Variants in GRB10 observed in about 807,000 individuals in gnomAD.
GRB10 encodes the protein growth factor receptor-bound protein 10.
GRB10 carries 20 observed loss-of-function variants against 80.9 expected under a neutral mutation model. The ratio of observed to expected loss-of-function variants is 0.25; its 90% CI spans 0.17 to 0.36. The LOEUF is 0.36. GRB10 is among the 10% of genes least tolerant of loss of function. The probability of loss-of-function intolerance (pLI) is 1.00; values close to 1 mark genes in which losing one functional copy is unlikely to be tolerated. For synonymous variants in GRB10, 291 were observed against 291.5 expected (o/e 1.00, Z 0.02); for missense variants, 548 against 747.7 (o/e 0.73, Z 3.12).
At chr7:50,613,570 C>T (rs2049974579) in intron 12 of GRB10, among the ~76,000 whole-genome samples, 1 of 152,208 alleles carries the variant, frequency 6.6e-6, no homozygotes, top group African/African-American at 2.4e-5. Flanking sequence ...CCCCAGCTCT[C>T]CCTCCCAAGA....
intron 2 of GRB10, among the ~76,000 whole-genome samples, chr7:50,758,515 A>G (rs768195200): frequency 8.5e-5 from 13 of 152,332 alleles, no homozygotes; most frequent in Admixed American, 3.9e-4. Context: ...GAGCTAATAT[A>G]AAGTTTTCCT....
intron 7 of GRB10, among the ~76,000 whole-genome samples, chr7:50,630,208 T>C (rs1193400166): frequency 3.9e-5 from 6 of 152,200 alleles, no homozygotes; most frequent in Non-Finnish European, 8.8e-5. Context: ...TGTATGGAAG[T>C]TCTACATTAG....
intron 4 of GRB10, among the ~76,000 whole-genome samples, chr7:50,728,934 G>A (rs2069139378): frequency 6.6e-6 from 1 of 152,218 alleles, no homozygotes; most frequent in Non-Finnish European, 1.5e-5. Context: ...GCCTCCCAAA[G>A]TGCTGGGATT....
chr7:50,749,283 C>T (rs1029324611), intron 3 of GRB10, among the ~76,000 whole-genome samples: 1 of 151,960 alleles, frequency 6.6e-6, no homozygotes, highest in Non-Finnish European at 1.5e-5. Flanking sequence ...CACTCACCAC[C>T]ATGCCCAGCT....
intron 7 of GRB10, among the ~76,000 whole-genome samples, chr7:50,660,323 C>T (rs1414832271): frequency 2.0e-5 from 3 of 151,980 alleles, no homozygotes. Context: ...CGTGGTGCTG[C>T]ATTCATGCAG....
chr7:50,728,013 A>C (rs2153689763), intron 4 of GRB10: 1 of 152,346 alleles, frequency 6.6e-6, no homozygotes, highest in South Asian at 2.1e-4. Context: ...GCTGTTCCTA[A>C]GTTCAGAATC....
chr7:50,606,711 C>T (rs949188197), intron 13 of GRB10: 6 of 423,982 alleles, frequency 1.4e-5, no homozygotes, highest in African/African-American at 6.1e-5. Flanking sequence ...ACATATATTT[C>T]GTATATGTAT....
chr7:50,673,683 G>A lies in GRB10; in HGVS notation c.362+753C>T, dbSNP rs771438335. ...GCCAACCCTGCTGCCCTCTACCACT[G>A]CCCCCACGACCCCTGGCAACCAGAA... On this transcript the variant is annotated intron_variant, in intron 6 of 18. Coordinates refer to ENST00000401949, the MANE Select transcript of GRB10 (RefSeq NM_001350814.2). Among the ~76,000 whole-genome samples, 33 of 151,978 alleles carry A rather than the reference G, an allele frequency of 2.2e-4. No homozygotes were observed. The South Asian group carries it at 3.5e-3, about 16-fold the overall frequency.
chr7:50,594,806 G>A (rs1347465245), intron 18 of GRB10, among the ~76,000 whole-genome samples: 10 of 152,224 alleles, frequency 6.6e-5, no homozygotes, highest in Non-Finnish European at 1.5e-4. Context: ...AAAAAAAGTA[G>A]TGTTGATTAA....
chr7:50,744,649 C>G (rs970796930), intron 3 of GRB10, among the ~76,000 whole-genome samples: 1 of 152,118 alleles, frequency 6.6e-6, no homozygotes, highest in Non-Finnish European at 1.5e-5. Context: ...TCAAAGTTTA[C>G]GGTATTGCAT....
chr7:50,722,559 T>C (rs937397408), intron 4 of GRB10, among the ~76,000 whole-genome samples: 1 of 152,132 alleles, frequency 6.6e-6, no homozygotes, highest in Non-Finnish European at 1.5e-5. Flanking sequence ...TTCAAAGCCC[T>C]GTGACAAGCA....
At chr7:50,736,740 C>T (rs952179301) in intron 3 of GRB10, among the ~76,000 whole-genome samples, 14 of 152,126 alleles carry the variant, frequency 9.2e-5, no homozygotes, top group Non-Finnish European at 1.5e-4. Flanking sequence ...CTGTGATTAA[C>T]GCCACTACAC....
chr7:50,669,923 C>T, intron 6 of GRB10, 60 bp from the exon 7 acceptor site: 4 of 1,550,128 alleles, frequency 2.6e-6, no homozygotes, highest in Non-Finnish European at 3.5e-6. Flanking sequence ...CCCAGCCTTA[C>T]CACTGTGGTG....
chr7:50,625,752 G>A (rs911654940), intron 8 of GRB10, among the ~76,000 whole-genome samples: 4 of 152,214 alleles, frequency 2.6e-5, no homozygotes, highest in African/African-American at 2.4e-5. Context: ...AAAGCATACC[G>A]TCTCTCCAAA....
chr7:50,593,570 G>T (rs1254940300), intron 18 of GRB10, among the ~76,000 whole-genome samples: 1 of 152,180 alleles, frequency 6.6e-6, no homozygotes. Flanking sequence ...GGCTATGAGG[G>T]ATTAATAAGC....
intron 2 of GRB10, among the ~76,000 whole-genome samples, chr7:50,778,100 G>A (rs1199013085): frequency 6.6e-6 from 1 of 152,106 alleles, no homozygotes; most frequent in African/African-American, 2.4e-5. Flanking sequence ...CTAGCCTAAT[G>A]AAATAATCAG....
At chr7:50,709,253 T>C (rs1376467823) in intron 4 of GRB10, among the ~76,000 whole-genome samples, 2 of 152,122 alleles carry the variant, frequency 1.3e-5, no homozygotes, top group African/African-American at 2.4e-5. Context: ...TGCTGAGCCA[T>C]CTCCTGTAAC....
At chr7:50,680,649 CAT>C (rs758112222) in intron 5 of GRB10, among the ~76,000 whole-genome samples, 5 of 152,130 alleles carry the variant, frequency 3.3e-5, no homozygotes, top group Admixed American at 6.5e-5. Context: ...TTTGTGATGA[CAT>C]AAAATGGGAC....
intron 7 of GRB10, among the ~76,000 whole-genome samples, chr7:50,653,419 C>T (rs901494245): frequency 2.0e-5 from 3 of 152,232 alleles, no homozygotes; most frequent in African/African-American, 7.2e-5. Context: ...TTGTCTCGGC[C>T]AGCCCCACCC....
Sources: gnomAD v4.1 joint callset for allele counts (sites outside exome capture counted in the v4.1 genomes callset) on GRCh38, gnomAD v4.1.1 for gene constraint, MANE v1.5 for transcripts, NCBI Gene and HGNC (gene_info 2026-07-23, HGNC 2026-07-21) for gene names.